Variants in SNTG2 observed in about 807,000 individuals in gnomAD.
The protein encoded by SNTG2 is gamma-2-syntrophin.
In SNTG2, 74 loss-of-function variants were observed where a neutral mutation model predicts 70.9. The observed-to-expected ratio is 1.04, with a 90% CI of 0.86 to 1.27. SNTG2 has a LOEUF of 1.27. SNTG2 is among the 50% of genes most tolerant of loss of function. SNTG2 has a pLI of 0.00. For synonymous variants in SNTG2, 278 were observed against 273.8 expected (o/e 1.02, Z -0.15); for missense variants, 717 against 690.7 (o/e 1.04, Z -0.43).
chr2:1,162,399 G>C (rs28528894), intron 6 of SNTG2, among the ~76,000 whole-genome samples: 1 of 152,150 alleles, frequency 6.6e-6, no homozygotes, highest in African/African-American at 2.4e-5. Flanking sequence ...TTTGGGAGGA[G>C]GGCAGCCTGT....
chr2:1,148,010 C>A (rs190343716), intron 6 of SNTG2, among the ~76,000 whole-genome samples: 18 of 152,248 alleles, frequency 1.2e-4, no homozygotes, highest in African/African-American at 4.3e-4. Context: ...GAAGTAGTAA[C>A]CTTGTCTGGA....
intron 1 of SNTG2, among the ~76,000 whole-genome samples, chr2:991,463 A>G (rs1206025944): frequency 6.6e-6 from 1 of 152,014 alleles, no homozygotes; most frequent in African/African-American, 2.4e-5. Context: ...ATACCCACAA[A>G]TGGACCTTAT....
Position 979,663 on chromosome 2 carries a change from C to G in SNTG2, c.72+28595C>G, listed in dbSNP as rs924217006. On this transcript the variant is annotated intron_variant, in intron 1 of 16. Transcript: ENST00000308624. The stretch of plus-strand genomic sequence containing the variant: ...CTTCATTGTCTCTGGTCTTTTTCTG[C>G]TCTCCTTTAAAAAGACATTTGCTTT... 4.6e-5 allele frequency among the ~76,000 whole-genome samples: 7 copies of G among 152,154 alleles called. No homozygotes were observed. The East Asian group carries it at 1.3e-3, about 29-fold the overall frequency.
intron 6 of SNTG2, chr2:1,163,327 G>A (rs143142496): frequency 7.0e-6 from 1 of 142,304 alleles, no homozygotes; most frequent in Non-Finnish European, 1.5e-5. Context: ...AGTGGGCATG[G>A]GAAGCCTCCC....
intron 8 of SNTG2, among the ~76,000 whole-genome samples, chr2:1,186,289 A>T (rs767615511): frequency 6.6e-6 from 1 of 152,230 alleles, no homozygotes; most frequent in Non-Finnish European, 1.5e-5. Context: ...GCAAGTCTCT[A>T]GGAAGTTTCA....
intron 1 of SNTG2, among the ~76,000 whole-genome samples, chr2:958,275 A>G (rs1049979530): frequency 2.6e-5 from 4 of 152,208 alleles, no homozygotes; most frequent in Non-Finnish European, 4.4e-5. Flanking sequence ...ACAAAAGGAT[A>G]ACAACAGGAA....
rs749165726 is a variant in SNTG2, at chr2:1,137,779, A to G, written c.381A>G (p.Ile127Met). Residue 127 changes from isoleucine to methionine, a missense_variant, in exon 6 of 17, where the codon ATA becomes ATG. Coordinates refer to ENST00000308624, the MANE Select transcript of SNTG2 (RefSeq NM_018968.4). ...VGDAVLQVNG[I>M]HVENATHEEV... The stretch of plus-strand genomic sequence containing the variant: ...TGTCATCTGTTCAGGTTAATGGCAT[A>G]CATGTAGAAAATGCAACTCATGAAG... 1 of 1,613,592 alleles carries G rather than the reference A, an allele frequency of 6.2e-7. No individual in the cohort carries two copies. The highest frequency in any genetic ancestry group is 1.1e-5 in the South Asian group (1 of 91,070).
intron 12 of SNTG2, among the ~76,000 whole-genome samples, chr2:1,249,284 T>G (rs560476092): frequency 2.6e-5 from 4 of 152,360 alleles, no homozygotes; most frequent in African/African-American, 7.2e-5. Context: ...TATTTTCATC[T>G]TAGCAACACA....
At chr2:1,200,000 A>G (rs916199474) in intron 8 of SNTG2, among the ~76,000 whole-genome samples, 1 of 152,070 alleles carries the variant, frequency 6.6e-6, no homozygotes, top group African/African-American at 2.4e-5. Context: ...TTCTTTACAG[A>G]AATAGAAGAT....
intron 1 of SNTG2, among the ~76,000 whole-genome samples, chr2:989,018 A>C (rs1246161790): frequency 6.6e-6 from 1 of 152,128 alleles, no homozygotes; most frequent in Non-Finnish European, 1.5e-5. Context: ...TTTAAATTTC[A>C]GTTTTCAAAT....
chr2:1,326,821 C>A (rs1430291321), intron 16 of SNTG2, among the ~76,000 whole-genome samples: 1 of 152,044 alleles, frequency 6.6e-6, no homozygotes, highest in African/African-American at 2.4e-5. Flanking sequence ...TATTTTATAA[C>A]CTCTTACACA....
intron 6 of SNTG2, among the ~76,000 whole-genome samples, chr2:1,149,460 A>G (rs77888937): frequency 0.041 from 6,188 of 152,296 alleles, 217 homozygotes; most frequent in South Asian, 0.18. Flanking sequence ...AACTCTACTC[A>G]GGGTTTTGCC....
chr2:1,133,464 T>G (rs1668155381), intron 4 of SNTG2, among the ~76,000 whole-genome samples: 1 of 152,212 alleles, frequency 6.6e-6, no homozygotes, highest in Non-Finnish European at 1.5e-5. Context: ...CATTACAGCA[T>G]TTTGCAGGAG....
At chr2:1,245,978 TAA>T (rs1677398781) in intron 11 of SNTG2, among the ~76,000 whole-genome samples, 1 of 152,030 alleles carries the variant, frequency 6.6e-6, no homozygotes, top group Non-Finnish European at 1.5e-5. Flanking sequence ...CTCGGGGAAA[TAA>T]AGTCGTCCTG....
At chr2:1,052,661 G>A (rs1248204878) in intron 1 of SNTG2, among the ~76,000 whole-genome samples, 1 of 152,142 alleles carries the variant, frequency 6.6e-6, no homozygotes, top group Non-Finnish European at 1.5e-5. Context: ...AAGCCACATG[G>A]TACCTTAGGA....
intron 6 of SNTG2, among the ~76,000 whole-genome samples, chr2:1,139,312 C>T (rs185893483): frequency 4.9e-4 from 75 of 152,284 alleles, no homozygotes; most frequent in African/African-American, 1.6e-3. Flanking sequence ...CTCACCGTAA[C>T]CTCCGCCTCC....
intron 14 of SNTG2, among the ~76,000 whole-genome samples, chr2:1,296,634 G>T (rs1246596403): frequency 6.6e-6 from 1 of 152,198 alleles, no homozygotes; most frequent in Non-Finnish European, 1.5e-5. Context: ...GCATCTCCGT[G>T]TTCATGAATC....
chr2:975,434 T>C (rs993768512), intron 1 of SNTG2, among the ~76,000 whole-genome samples: 1 of 152,232 alleles, frequency 6.6e-6, no homozygotes, highest in Admixed American at 6.5e-5. Flanking sequence ...CCCACTCACA[T>C]CCATGAGCAA....
chr2:1,264,086 T>C (rs139889559), intron 13 of SNTG2, among the ~76,000 whole-genome samples: 1 of 152,228 alleles, frequency 6.6e-6, no homozygotes, highest in Non-Finnish European at 1.5e-5. Flanking sequence ...TAAAAACCTC[T>C]TAAGACAAAC....
Sources: gnomAD v4.1 joint callset for allele counts (sites outside exome capture counted in the v4.1 genomes callset) on GRCh38, gnomAD v4.1.1 for gene constraint, MANE v1.5 for transcripts, NCBI Gene and HGNC (gene_info 2026-07-23, HGNC 2026-07-21) for gene names.